Variants in DLC1 observed in about 807,000 individuals in gnomAD.
DLC1 encodes the protein DLC1 Rho GTPase activating protein.
In DLC1, 54 loss-of-function variants were observed where a neutral mutation model predicts 140.3. The ratio of observed to expected loss-of-function variants is 0.38; its 90% CI spans 0.31 to 0.48. The LOEUF is 0.48. Among genes scored for constraint, DLC1 ranks in the 20% least tolerant of loss-of-function variants. The probability of loss-of-function intolerance (pLI) is 0.96; values close to 1 mark genes in which losing one functional copy is unlikely to be tolerated. For synonymous variants in DLC1, 986 were observed against 728.1 expected (o/e 1.35, Z -5.70); for missense variants, 2,536 against 1,907.0 (o/e 1.33, Z -6.14).
At chr8:13,594,106 A>C (rs1474480347) in intron 1 of DLC1, among the ~76,000 whole-genome samples, 1 of 152,042 alleles carries the variant, frequency 6.6e-6, no homozygotes, top group Non-Finnish European at 1.5e-5. Context: ...GGCTGCAGTG[A>C]ATCATGATCT....
At position 13,299,251 on chromosome 8, in the gene DLC1, C is replaced by T. The variant is rs189559292; in HGVS notation, c.1348+6018G>A. ...TGAGGCCAGGTGTTCAAGACCAGCC[C>T]AGCCAACATAGTGAAACCCCATCTC... On this transcript the variant is annotated intron_variant, in intron 5 of 17. Coordinates refer to ENST00000276297, the MANE Select transcript of DLC1 (RefSeq NM_182643.3). 7.9e-4 allele frequency among the ~76,000 whole-genome samples: 120 copies of T among 151,568 alleles called. 1 individual carries two copies. Among genetic ancestry groups the T allele is most frequent in the East Asian group, 5.4e-3 (28 of 5,152 alleles).
chr8:13,501,787 C>G (rs1801834401), intron 1 of DLC1, among the ~76,000 whole-genome samples: 1 of 152,130 alleles, frequency 6.6e-6, no homozygotes, highest in African/African-American at 2.4e-5. Flanking sequence ...GACGTTCACT[C>G]TGCACTCAAA....
At chr8:13,335,893 T>G (rs908816498) in intron 4 of DLC1, among the ~76,000 whole-genome samples, 2 of 59,322 alleles carry the variant, frequency 3.4e-5, no homozygotes, top group African/African-American at 9.3e-5. Context: ...GACTTGTTAA[T>G]TTCAAAATAT....
At chr8:13,133,489 C>T (rs1585730278) in intron 5 of DLC1, 4 of 182,210 alleles carry the variant, frequency 2.2e-5, no homozygotes, top group East Asian at 2.1e-4. Flanking sequence ...CGCCCTCTAG[C>T]CCCGCCCCGC....
chr8:13,177,638 G>T (rs1443799543), intron 5 of DLC1, among the ~76,000 whole-genome samples: 1 of 152,116 alleles, frequency 6.6e-6, no homozygotes, highest in Non-Finnish European at 1.5e-5. Context: ...GCAATACTGA[G>T]GTCTGCAAAT....
chr8:13,172,229 T>C (rs1397871435), intron 5 of DLC1, among the ~76,000 whole-genome samples: 1 of 152,212 alleles, frequency 6.6e-6, no homozygotes, highest in East Asian at 1.9e-4. Context: ...CTTCTGCAAA[T>C]ACTTCAGTAC....
intron 1 of DLC1, among the ~76,000 whole-genome samples, chr8:13,521,902 A>G (rs1802778509): frequency 6.6e-6 from 1 of 152,206 alleles, no homozygotes; most frequent in Admixed American, 6.5e-5. Flanking sequence ...CTATGTTCAT[A>G]ACACCAGTCT....
chr8:13,349,654 G>A (rs1563273752), intron 4 of DLC1, among the ~76,000 whole-genome samples: 2 of 152,148 alleles, frequency 1.3e-5, no homozygotes, highest in Admixed American at 6.6e-5. Flanking sequence ...GAGCTCACCA[G>A]GTATATAAGG....
intron 1 of DLC1, among the ~76,000 whole-genome samples, chr8:13,572,413 A>G (rs1283458930): frequency 6.6e-6 from 1 of 152,116 alleles, no homozygotes; most frequent in East Asian, 1.9e-4. Context: ...ATGATTTGCA[A>G]GTATTTTCTC....
At chr8:13,567,134 C>T in intron 1 of DLC1, 1 of 1,551,734 alleles carries the variant, frequency 6.4e-7, no homozygotes, top group Non-Finnish European at 8.7e-7. Flanking sequence ...CAGTCCTCGC[C>T]CCTGACCTCT....
Position 13,100,417 on chromosome 8 carries a change from C to G in DLC1, c.1920G>C (p.Leu640=), listed in dbSNP as rs536595501. The stretch of plus-strand genomic sequence containing the variant: ...AGCTGGACAGTTCCTTGGGAGAGGG[C>G]AGGCTGCCGAAAGAGTCGTCATTGC... ...LAGNDDSFGS[L]PSPKELSSFS... The change falls in exon 9 of 18, where the codon CTG becomes CTC. Residue 640 remains leucine (L), a synonymous_variant. Coordinates refer to ENST00000276297, the MANE Select transcript of DLC1 (RefSeq NM_182643.3). 4.3e-6 allele frequency: 7 copies of G among 1,614,116 alleles called. 1 individual carries two copies. In the African/African-American group the frequency reaches 8.0e-5, roughly 18 times the overall value.
intron 5 of DLC1, among the ~76,000 whole-genome samples, chr8:13,267,341 G>A (rs1173680071): frequency 6.7e-6 from 1 of 150,156 alleles, no homozygotes; most frequent in Non-Finnish European, 1.5e-5. Flanking sequence ...TCTGCCAGAT[G>A]TTTATGTTGG....
chr8:13,297,431 A>C (rs1832007402), intron 5 of DLC1, among the ~76,000 whole-genome samples: 1 of 151,960 alleles, frequency 6.6e-6, no homozygotes, highest in Non-Finnish European at 1.5e-5. Flanking sequence ...CGTCTTGCTA[A>C]ACCCCATAAA....
At chr8:13,125,758 C>G (rs1352106139) in intron 5 of DLC1, among the ~76,000 whole-genome samples, 1 of 151,366 alleles carries the variant, frequency 6.6e-6, no homozygotes, top group African/African-American at 2.4e-5. Flanking sequence ...TCTTATTCTT[C>G]TGCTTGAGAT....
chr8:13,479,879 GAAAGAAAGAA>G (rs1386559329), intron 2 of DLC1, among the ~76,000 whole-genome samples: 26 of 93,734 alleles, frequency 2.8e-4, no homozygotes, highest in African/African-American at 6.9e-4. Context: ...AAGAAAGAAA[GAAAGAAAGAA>G]AAAGAAAGAA....
intron 6 of DLC1, among the ~76,000 whole-genome samples, chr8:13,112,731 G>C (rs1820221372): frequency 6.6e-6 from 1 of 152,084 alleles, no homozygotes; most frequent in African/African-American, 2.4e-5. Flanking sequence ...TTTTTAAATA[G>C]AGATGCGATC....
At position 13,381,783 on chromosome 8, in the gene DLC1, A is replaced by G. The variant is rs531827179; in HGVS notation, c.1314+11770T>C. On this transcript the variant is annotated intron_variant, in intron 4 of 17. Transcript: ENST00000276297. ...ATACCTGCAAACCATGGGACATAAT[A>G]GATGATCAGTACTGTTTTCAGCCAT... Among the ~76,000 whole-genome samples, 115 of 152,318 alleles carry G rather than the reference A, an allele frequency of 7.5e-4. 1 individual carries two copies. Among genetic ancestry groups the G allele is most frequent in the Non-Finnish European group, 1.3e-3 (89 of 68,038 alleles).
chr8:13,538,875 G>C (rs1245786997), intron 1 of DLC1, among the ~76,000 whole-genome samples: 1 of 152,182 alleles, frequency 6.6e-6, no homozygotes, highest in East Asian at 1.9e-4. Flanking sequence ...TCGGCAGATA[G>C]TAATGTCGTA....
rs144490878 is a variant in DLC1, at chr8:13,379,903, C to G, written c.1314+13650G>C. Among the ~76,000 whole-genome samples the G allele has an allele frequency of 6.3e-3, 958 of 152,234 alleles. 5 individuals carry two copies. The highest frequency in any genetic ancestry group is 0.01 in the Middle Eastern group (3 of 294). On this transcript the variant is annotated intron_variant, in intron 4 of 17. Transcript: ENST00000276297. ...AGCAAACTAACACAGGAACAGAAAA[C>G]GAAACACCGCATGTTCTCACTCATA...
Sources: gnomAD v4.1 joint callset for allele counts (sites outside exome capture counted in the v4.1 genomes callset) on GRCh38, gnomAD v4.1.1 for gene constraint, MANE v1.5 for transcripts, NCBI Gene and HGNC (gene_info 2026-07-23, HGNC 2026-07-21) for gene names.